The following MAN1A2 variants were observed in gnomAD, a reference collection of about 807,000 sequenced individuals.
MAN1A2 encodes mannosyl-oligosaccharide 1,2-alpha-mannosidase IB.
A neutral mutation model predicts 75.7 loss-of-function variants in MAN1A2; 26 were observed. The observed-to-expected ratio is 0.34, with a 90% CI of 0.25 to 0.48. The LOEUF (loss-of-function observed/expected upper bound fraction) is 0.48. Ranked by LOEUF, MAN1A2 falls within the 20% of genes least tolerant of loss-of-function variation. The probability of loss-of-function intolerance (pLI) is 0.99; values close to 1 mark genes in which losing one functional copy is unlikely to be tolerated. For synonymous variants in MAN1A2, 247 were observed against 264.6 expected, an observed-to-expected ratio of 0.93 and a Z score of 0.65; for missense variants, 562 against 775.5, an observed-to-expected ratio of 0.72 and a Z score of 3.27.
intron 8 of MAN1A2, among the ~76,000 whole-genome samples, chr1:117,491,009 T>G (rs1161616120): frequency 6.6e-6 from 1 of 152,146 alleles, no homozygotes; most frequent in South Asian, 2.1e-4. Context: ...GAGGTTGGTT[T>G]ATGAGGTTTA....
At chr1:117,448,668 C>T (rs976274586) in intron 6 of MAN1A2, among the ~76,000 whole-genome samples, 2 of 152,206 alleles carry the variant, frequency 1.3e-5, no homozygotes, top group Non-Finnish European at 2.9e-5. Context: ...AACTGAAGCA[C>T]AGAAAGAGAA....
intron 1 of MAN1A2, among the ~76,000 whole-genome samples, chr1:117,384,062 C>G (rs1653441462): frequency 6.6e-6 from 1 of 152,114 alleles, no homozygotes; most frequent in Non-Finnish European, 1.5e-5. Flanking sequence ...TTTTGTTGAT[C>G]TTGTCAAAGA....
intron 1 of MAN1A2, among the ~76,000 whole-genome samples, chr1:117,373,768 A>C (rs1251607577): frequency 1.3e-5 from 2 of 152,172 alleles, no homozygotes; most frequent in Non-Finnish European, 2.9e-5. Context: ...TGTTCGGATT[A>C]CAGGTGTTAG....
chr1:117,524,490 A>G lies in MAN1A2; in HGVS notation c.*1533A>G, dbSNP rs1651953185. ...AGTATAACATTTACTCTGAATTTGA[A>G]GATTTCCTGAAACAAAGTTTGTACA... On this transcript the variant is annotated 3_prime_UTR_variant, in exon 13 of 13. Transcript: ENST00000356554. 1 of 151,784 alleles carries G rather than the reference A, an allele frequency of 6.6e-6. No homozygotes were observed. The highest frequency in any genetic ancestry group is 1.5e-5 in the Non-Finnish European group (1 of 67,822). The allele number at this position is 151,784 out of a possible 1,614,324, so 9.4% of individuals were successfully genotyped here. A position where few individuals can be genotyped will look rare whatever the true frequency, so the allele number is the denominator to read the frequency against.
At chr1:117,426,248 C>T (rs1401163901) in intron 5 of MAN1A2, among the ~76,000 whole-genome samples, 2 of 148,224 alleles carry the variant, frequency 1.3e-5, no homozygotes, top group African/African-American at 5.0e-5. Flanking sequence ...TTAAAATTTT[C>T]TGTTTATATT....
intron 8 of MAN1A2, among the ~76,000 whole-genome samples, chr1:117,471,828 A>G (rs1650171237): frequency 6.6e-6 from 1 of 152,028 alleles, no homozygotes; most frequent in South Asian, 2.1e-4. Context: ...TAAAAGTTAA[A>G]CAAGGCATAT....
chr1:117,480,741 A>G (rs1437953362), intron 8 of MAN1A2, among the ~76,000 whole-genome samples: 1 of 151,806 alleles, frequency 6.6e-6, no homozygotes, highest in Admixed American at 6.6e-5. Context: ...ATCTAGACTT[A>G]ATCATTACTG....
chr1:117,433,372 A>G (rs1648739273), intron 5 of MAN1A2, among the ~76,000 whole-genome samples: 1 of 152,188 alleles, frequency 6.6e-6, no homozygotes, highest in Non-Finnish European at 1.5e-5. Flanking sequence ...CTCAACCTGT[A>G]CTAAAAGGTA....
intron 1 of MAN1A2, among the ~76,000 whole-genome samples, chr1:117,375,382 C>T (rs565850595): frequency 1.3e-5 from 2 of 152,226 alleles, no homozygotes; most frequent in Non-Finnish European, 2.9e-5. Flanking sequence ...CTCCTGTTCT[C>T]CATATCTTAA....
At chr1:117,480,625 C>A (rs1200349783) in intron 8 of MAN1A2, among the ~76,000 whole-genome samples, 1 of 151,860 alleles carries the variant, frequency 6.6e-6, no homozygotes, top group Non-Finnish European at 1.5e-5. Flanking sequence ...CATGCTGCCT[C>A]ATTTTTTTAC....
chr1:117,503,064 T>C, intron 12 of MAN1A2, 94 bp downstream of exon 12: 1 of 604,926 alleles, frequency 1.7e-6, no homozygotes, highest in South Asian at 2.5e-5. Context: ...CAGGTTACAC[T>C]AAATTTTGTT....
chr1:117,420,160 G>A (rs1047253065), intron 4 of MAN1A2, among the ~76,000 whole-genome samples: 1 of 151,970 alleles, frequency 6.6e-6, no homozygotes, highest in South Asian at 2.1e-4. Context: ...TCCAGGAGGA[G>A]AGAGGAAGTA....
intron 1 of MAN1A2, among the ~76,000 whole-genome samples, chr1:117,393,985 C>T (rs1288062057): frequency 6.6e-6 from 1 of 151,970 alleles, no homozygotes; most frequent in Non-Finnish European, 1.5e-5. Flanking sequence ...CTGCTGTCTG[C>T]TCGTAGTTTC....
chr1:117,371,087 CAT>C (rs1652949073), intron 1 of MAN1A2, among the ~76,000 whole-genome samples: 1 of 152,166 alleles, frequency 6.6e-6, no homozygotes. Flanking sequence ...AAGCACTCAA[CAT>C]AGTTCCTGGC....
At position 117,402,400 on chromosome 1, in the gene MAN1A2, G is replaced by A. The variant is rs1369253346; in HGVS notation, c.517G>A (p.Glu173Lys). The change falls in exon 2 of 13, where the codon GAA (glutamate) becomes AAA (lysine). Residue 173 changes from glutamate to lysine, a missense_variant. Glu to Lys is a moderately conservative substitution (Grantham distance 56). Around this residue, in one of 2 missense-constraint regions of MAN1A2, gnomAD observed 434 missense variants for 645.7 expected, o/e 0.67. Coordinates refer to ENST00000356554, the MANE Select transcript of MAN1A2 (RefSeq NM_006699.5). The stretch of plus-strand genomic sequence containing the variant: ...TGTAGGAATACGTGGTGGAGACCCA[G>A]AAGATAATGACATAAGAGAGAAAAG... ...NLVGIRGGDP[E>K]DNDIREKREK... 4 of 1,610,666 alleles carry A rather than the reference G, an allele frequency of 2.5e-6. No individual in the cohort carries two copies. In the African/African-American group the frequency reaches 4.0e-5, roughly 16 times the overall value.
chr1:117,499,588 A>C, intron 11 of MAN1A2, 34 bp downstream of exon 11: 1 of 1,554,504 alleles, frequency 6.4e-7, no homozygotes, highest in Non-Finnish European at 8.7e-7. Context: ...TATCTGCAAG[A>C]GTGTTAACTC....
At chr1:117,429,752 C>CA (rs1648535845) in intron 5 of MAN1A2, among the ~76,000 whole-genome samples, 1 of 90,954 alleles carries the variant, frequency 1.1e-5, no homozygotes. Context: ...GCTGGCCGGG[C>CA]GGGGGGCTGA....
intron 6 of MAN1A2, among the ~76,000 whole-genome samples, chr1:117,459,454 C>T (rs1408535514): frequency 1.3e-5 from 2 of 152,184 alleles, no homozygotes; most frequent in Admixed American, 1.3e-4. Context: ...GTAAATACCC[C>T]TGGCTTCCAA....
chr1:117,411,849 A>G (rs2101767422), intron 3 of MAN1A2, among the ~76,000 whole-genome samples: 1 of 151,952 alleles, frequency 6.6e-6, no homozygotes, highest in Admixed American at 6.6e-5. Flanking sequence ...ATGCTAGAGC[A>G]ACTCTGTTAT....
Sources: allele counts gnomAD v4.1 joint callset (sites outside exome capture counted in the v4.1 genomes callset), GRCh38; gene constraint gnomAD v4.1.1; regional missense constraint gnomAD v4.1.1; transcripts MANE v1.5; gene names NCBI Gene and HGNC (gene_info 2026-07-23, HGNC 2026-07-21).